Variants in DOCK2 observed in about 807,000 individuals in gnomAD.
DOCK2 encodes dedicator of cytokinesis 2.
Under a neutral mutation model 248.9 loss-of-function variants are expected in DOCK2, and 87 were observed. The observed-to-expected ratio is 0.35, with a 90% confidence interval of 0.29 to 0.42. The LOEUF (loss-of-function observed/expected upper bound fraction) is 0.42. Ranked by LOEUF, DOCK2 falls within the 10% of genes least tolerant of loss-of-function variation. DOCK2 has a pLI of 1.00. For synonymous variants in DOCK2, 805 were observed against 821.6 expected (o/e 0.98, Z 0.35); for missense variants, 1,747 against 2,300.2 (o/e 0.76, Z 4.92).
chr5:169,853,472 A>G (rs955989539), intron 27 of DOCK2, among the ~76,000 whole-genome samples: 2 of 152,250 alleles, frequency 1.3e-5, no homozygotes, highest in African/African-American at 4.8e-5. Context: ...ACATTCATGC[A>G]GTGATGCATT....
intron 25 of DOCK2, among the ~76,000 whole-genome samples, chr5:169,778,138 T>C (rs1765486970): frequency 6.6e-6 from 1 of 152,164 alleles, no homozygotes. Context: ...GGCTCCTCAG[T>C]TACTATTTCT....
chr5:169,954,350 A>G (rs1276324360), intron 27 of DOCK2, among the ~76,000 whole-genome samples: 1 of 152,260 alleles, frequency 6.6e-6, no homozygotes, highest in Admixed American at 6.5e-5. Flanking sequence ...AATGATGTTT[A>G]TATAACATTC....
In DOCK2 at chr5:169,780,081, C is replaced by A. The variant is rs562686324; in HGVS notation, c.2554+18456C>A. 2.0e-5 allele frequency among the ~76,000 whole-genome samples: 3 copies of A among 152,268 alleles called. No homozygotes were observed. The East Asian group carries it at 5.8e-4, about 29-fold the overall frequency. On this transcript the variant is annotated intron_variant, in intron 25 of 51. Coordinates refer to ENST00000520908, the MANE Select transcript of DOCK2 (RefSeq NM_004946.3). ...TCTACTTTGGGGGTCATGTATTTCC[C>A]CTTCCACCATGGCTTTGGCCTTGAT...
At chr5:169,680,008 C>T (rs1759570248) in intron 6 of DOCK2, among the ~76,000 whole-genome samples, 1 of 152,184 alleles carries the variant, frequency 6.6e-6, no homozygotes, top group Admixed American at 6.5e-5. Flanking sequence ...TGAGGCTCTT[C>T]ATCTCAATAT....
intron 12 of DOCK2, 107 bp from the exon 13 acceptor site, chr5:169,699,905 ACT>A: frequency 1.3e-6 from 2 of 1,511,584 alleles, no homozygotes; most frequent in Non-Finnish European, 1.8e-6. Context: ...TGGCTGTATG[ACT>A]CTGTTCCCAG....
intron 33 of DOCK2, among the ~76,000 whole-genome samples, chr5:170,023,568 T>G (rs1755804111): frequency 6.6e-6 from 1 of 152,156 alleles, no homozygotes; most frequent in Non-Finnish European, 1.5e-5. Flanking sequence ...CCAACTGCCA[T>G]TAGAGGTTCC....
chr5:169,936,260 C>A, intron 27 of DOCK2, among the ~76,000 whole-genome samples: 1 of 152,164 alleles, frequency 6.6e-6, no homozygotes, highest in Non-Finnish European at 1.5e-5. Flanking sequence ...GTTCTACAGA[C>A]AAGATAATGT....
intron 34 of DOCK2, among the ~76,000 whole-genome samples, chr5:170,028,759 ACACACACACGCGTGCG>A (rs1756016476): frequency 6.6e-6 from 1 of 151,204 alleles, no homozygotes; most frequent in Non-Finnish European, 1.5e-5. Flanking sequence ...ACACACACAC[ACACACACACGCGTGCG>A]CACACACACC....
At chr5:169,936,828 T>C (rs1776022662) in intron 27 of DOCK2, among the ~76,000 whole-genome samples, 1 of 152,144 alleles carries the variant, frequency 6.6e-6, no homozygotes, top group Non-Finnish European at 1.5e-5. Context: ...TTGACAAAAC[T>C]CAATTTAAAT....
chr5:169,923,479 G>A (rs1240868368), intron 27 of DOCK2, among the ~76,000 whole-genome samples: 5 of 110,216 alleles, frequency 4.5e-5, no homozygotes, highest in African/African-American at 8.1e-5. Context: ...GTGCATGCAC[G>A]TGGGCACACA....
At chr5:169,671,769 G>A (rs939824588) in intron 5 of DOCK2, among the ~76,000 whole-genome samples, 1 of 152,198 alleles carries the variant, frequency 6.6e-6, no homozygotes, top group Non-Finnish European at 1.5e-5. Flanking sequence ...AAGGCTTACT[G>A]CATGTTTATT....
At chr5:169,804,424 A>G (rs1767182719) in intron 26 of DOCK2, among the ~76,000 whole-genome samples, 1 of 149,776 alleles carries the variant, frequency 6.7e-6, no homozygotes. Flanking sequence ...TATTTGGGGT[A>G]CAAGAGCTAC....
chr5:170,067,757 A>C (rs1019236905), intron 45 of DOCK2, 71 bp downstream of exon 45: 67 of 1,527,828 alleles, frequency 4.4e-5, no homozygotes, highest in Non-Finnish European at 5.6e-5. Flanking sequence ...CCCAGGGGGC[A>C]GATGCAGGTA....
chr5:170,028,767 A>ATG lies in DOCK2; in HGVS notation c.3467+819_3467+820insTG, dbSNP rs1561888185. On this transcript the variant is annotated intron_variant, in intron 34 of 51. Transcript: ENST00000520908. Reference sequence around the variant, plus strand: ...CACACACACACACACACACACACACACGCGTGCGCACACACACCCAAACAC... The same window carrying ATG: ...CACACACACACACACACACACACACATGCGCGTGCGCACACACACCCAAACAC... Among the ~76,000 whole-genome samples, 310 of 150,878 alleles carry ATG rather than the reference A, an allele frequency of 2.1e-3. 3 individuals carry two copies. The highest frequency in any genetic ancestry group is 7.2e-3 in the African/African-American group (293 of 40,938).
At chr5:169,778,693 C>T (rs772203888) in intron 25 of DOCK2, among the ~76,000 whole-genome samples, 3 of 152,128 alleles carry the variant, frequency 2.0e-5, no homozygotes, top group East Asian at 1.9e-4. Flanking sequence ...TTGGGCATAT[C>T]GAGTGTTTGA....
intron 27 of DOCK2, among the ~76,000 whole-genome samples, chr5:169,971,427 CCT>C (rs1491211952): frequency 2.4e-5 from 2 of 84,982 alleles, no homozygotes; most frequent in African/African-American, 1.4e-4. Flanking sequence ...CCTCCTAGAG[CCT>C]TTTTTTTTTT....
At chr5:169,722,954 C>T (rs1041957105) in intron 22 of DOCK2, among the ~76,000 whole-genome samples, 3 of 152,200 alleles carry the variant, frequency 2.0e-5, no homozygotes, top group Non-Finnish European at 2.9e-5. Context: ...CCCAGGAATT[C>T]ACGCTGGTCT....
intron 27 of DOCK2, among the ~76,000 whole-genome samples, chr5:169,967,976 G>T (rs1026111500): frequency 2.6e-5 from 4 of 152,150 alleles, no homozygotes; most frequent in African/African-American, 9.7e-5. Flanking sequence ...GAGGAAGAAA[G>T]GTCTGAGAGG....
intron 29 of DOCK2, among the ~76,000 whole-genome samples, chr5:169,995,059 C>G (rs1387311945): frequency 6.9e-6 from 1 of 145,884 alleles, no homozygotes; most frequent in Admixed American, 7.0e-5. Flanking sequence ...GAGAGAGACT[C>G]TCACTATTGC....
Sources: allele counts gnomAD v4.1 joint callset (sites outside exome capture counted in the v4.1 genomes callset), GRCh38; gene constraint gnomAD v4.1.1; transcripts MANE v1.5; gene names NCBI Gene and HGNC (gene_info 2026-07-23, HGNC 2026-07-21).